Variants in ZNF12 observed in about 807,000 individuals in gnomAD.
The protein encoded by ZNF12 is zinc finger protein 12, also known as gonadotropin inducible transcription repressor 3.
A neutral mutation model predicts 66.6 loss-of-function variants in ZNF12; 34 were observed. The observed-to-expected ratio is 0.51, with a 90% confidence interval of 0.39 to 0.68. The LOEUF (loss-of-function observed/expected upper bound fraction) is 0.68. Among genes scored for constraint, ZNF12 ranks in the 30% least tolerant of loss-of-function variants. The pLI, the probability that ZNF12 is intolerant of heterozygous loss-of-function variation, is 0.00. For missense variants in ZNF12, 697 were observed against 826.9 expected (o/e 0.84, Z 1.93); for synonymous variants, 320 against 278.9 (o/e 1.15, Z -1.47).
intron 2 of ZNF12, among the ~76,000 whole-genome samples, chr7:6,704,955 C>T (rs576122177): frequency 5.9e-5 from 9 of 152,218 alleles, no homozygotes; most frequent in African/African-American, 1.7e-4. Flanking sequence ...GACGCTTGTA[C>T]TCTGACTTCA....
Position 6,691,568 on chromosome 7 carries a change from A to G in ZNF12, c.1374T>C (p.Thr458=), listed in dbSNP as rs769120394. Residue 458 remains threonine (T), a synonymous_variant, in exon 5 of 5, where the codon ACT becomes ACC. Coordinates refer to ENST00000405858, the MANE Select transcript of ZNF12 (RefSeq NM_016265.4). ...ATTCATAGGGTTTCTCTCCTGAATG[A>G]GTTCTATAATGTACAGTGAGATATG... is the stretch of plus-strand genomic sequence containing the variant. The part of the protein sequence containing the change: ...RLSYLTVHYR[T]HSGEKPYECN... 1 of 1,614,026 alleles carries G rather than the reference A, an allele frequency of 6.2e-7. No homozygotes were observed. The highest frequency in any genetic ancestry group is 8.5e-7 in the Non-Finnish European group (1 of 1,179,960).
intron 4 of ZNF12, among the ~76,000 whole-genome samples, chr7:6,693,164 T>G (rs1780100933): frequency 1.3e-5 from 2 of 152,200 alleles, no homozygotes; most frequent in Admixed American, 1.3e-4. Flanking sequence ...CCACATCACT[T>G]CATACCAAGT....
intron 2 of ZNF12, among the ~76,000 whole-genome samples, 174 bp downstream of exon 2, chr7:6,704,985 G>A (rs1039466713): frequency 4.6e-5 from 7 of 152,158 alleles, no homozygotes; most frequent in African/African-American, 1.4e-4. Flanking sequence ...TAAGGATCAC[G>A]CTATCTGCGC....
At position 6,697,856 on chromosome 7, in the gene ZNF12, C is replaced by T. The variant is rs747094726; in HGVS notation, c.16-45G>A. ...GGAATTGGGTGACGTGAAATAGGCA[C>T]ATAGGTACAAGATCTTAGCATGCTC... On this transcript the variant is annotated intron_variant, in intron 2 of 4. Coordinates refer to ENST00000405858, the MANE Select transcript of ZNF12 (RefSeq NM_016265.4). The surrounding 1 kb of genome is among the most constrained non-coding windows in gnomAD (Gnocchi z 6.1). 21 of 1,612,416 alleles carry T rather than the reference C, an allele frequency of 1.3e-5. No individual in the cohort carries two copies. Among genetic ancestry groups the T allele is most frequent in the Non-Finnish European group, 1.7e-5 (20 of 1,178,944 alleles).
At chr7:6,699,447 G>T (rs1439302259) in intron 2 of ZNF12, among the ~76,000 whole-genome samples, 1 of 152,200 alleles carries the variant, frequency 6.6e-6, no homozygotes, top group Non-Finnish European at 1.5e-5. Context: ...TCCAGCTGCT[G>T]ATGGGACACA....
chr7:6,706,210 G>T (rs1186672572), intron 1 of ZNF12, among the ~76,000 whole-genome samples: 1 of 152,204 alleles, frequency 6.6e-6, no homozygotes, highest in Non-Finnish European at 1.5e-5. Context: ...AGGAAGGGCT[G>T]CTGGGGTGAG....
Position 6,691,605 on chromosome 7 carries a change from A to C in ZNF12, c.1337T>G (p.Phe446Cys). Residue 446 changes from phenylalanine to cysteine, a missense_variant, in exon 5 of 5, where the codon TTC becomes TGC. Phe to Cys is a radical substitution (Grantham distance 205). Around this residue, in one of 3 missense-constraint regions of ZNF12, gnomAD observed 401 missense variants for 519.0 expected, o/e 0.77. Transcript: ENST00000405858. ...PYECNECGKF[F>C]SRLSYLTVHY... The stretch of plus-strand genomic sequence containing the variant: ...TACAGTGAGATATGACAACCGAGAG[A>C]AGAATTTTCCACACTCATTACATTC... The C allele has an allele frequency of 6.2e-7, 1 of 1,613,992 alleles. No individual in the cohort carries two copies. Among genetic ancestry groups the C allele is most frequent in the Non-Finnish European group, 8.5e-7 (1 of 1,179,934 alleles).
rs1345911476 is a variant in ZNF12, at chr7:6,691,256, T to C, written c.1686A>G (p.Ser562=). The stretch of plus-strand genomic sequence containing the variant: ...GAATTCTATGATGTATAGTGAGGTA[T>C]GACATCTGAGAGAAGAATTTTCCAC... ...YICGKFFSQM[S]YLTIHHRIHS... is the part of the protein sequence containing the mutation. Residue 562 remains serine, a synonymous_variant, in exon 5 of 5, where the codon TCA becomes TCG. Coordinates refer to ENST00000405858, the MANE Select transcript of ZNF12 (RefSeq NM_016265.4). 1.9e-6 allele frequency: 3 copies of C among 1,614,004 alleles called. No homozygotes were observed. Among genetic ancestry groups the C allele is most frequent in the Non-Finnish European group, 2.5e-6 (3 of 1,180,008 alleles).
intron 4 of ZNF12, among the ~76,000 whole-genome samples, chr7:6,694,721 C>A (rs1780128525): frequency 6.6e-6 from 1 of 151,928 alleles, no homozygotes; most frequent in Non-Finnish European, 1.5e-5. Context: ...TGACTTCCTG[C>A]CTTCATCTTC....
At position 6,688,531 on chromosome 7, in the gene ZNF12, A is replaced by T. The variant is rs771978570; in HGVS notation, c.*2317T>A. On this transcript the variant is annotated 3_prime_UTR_variant, in exon 5 of 5. Transcript: ENST00000405858. The surrounding 1 kb of genome is among the most constrained non-coding windows in gnomAD (Gnocchi z 4.3). ...ACCTCCATAGGTATCATTTCCACAA[A>T]TATGCTATGAATATAGAGTTCCTAC... is the stretch of plus-strand genomic sequence containing the variant. 1.3e-5 allele frequency: 2 copies of T among 152,242 alleles called. No homozygotes were observed. The highest frequency in any genetic ancestry group is 4.8e-5 in the African/African-American group (2 of 41,462). 9.4% of individuals were successfully genotyped at this position (152,242 alleles called of 1,614,324 possible). A position where few individuals can be genotyped will look rare whatever the true frequency, so the allele number is the denominator to read the frequency against.
chr7:6,692,897 A>C lies in ZNF12; in HGVS notation c.239-194T>G, dbSNP rs1409489656. On this transcript the variant is annotated intron_variant, in intron 4 of 4. Coordinates refer to ENST00000405858, the MANE Select transcript of ZNF12 (RefSeq NM_016265.4). The surrounding 1 kb of genome is among the most constrained non-coding windows in gnomAD (Gnocchi z 5.1). ...ATTACACACACACAAACACACACACACACACACATCCCCCTCTAGGAATGG... is the reference window on the plus strand; with the variant it reads ...ATTACACACACACAAACACACACACCCACACACATCCCCCTCTAGGAATGG... 6.6e-6 allele frequency among the ~76,000 whole-genome samples: 1 copy of C among 152,058 alleles called. No individual in the cohort carries two copies. Among genetic ancestry groups the C allele is most frequent in the East Asian group, 1.9e-4 (1 of 5,186 alleles).
rs1780365998 is a variant in ZNF12, at chr7:6,706,757, G to A, written c.-376C>T. On this transcript the variant is annotated 5_prime_UTR_variant, in exon 1 of 5. Transcript: ENST00000405858. The stretch of plus-strand genomic sequence containing the variant: ...GGCCCCTTGGGCCCCAGCGCCGTCG[G>A]CTCCGGGGGTCGTGCTCGGGGATCC... The A allele has an allele frequency of 4.3e-6, 1 of 232,640 alleles. No individual in the cohort carries two copies. Among genetic ancestry groups the A allele is most frequent in the Non-Finnish European group, 8.5e-6 (1 of 117,756 alleles). The allele number at this position is 232,640 out of a possible 1,614,324, so 14.4% of individuals were successfully genotyped here.
At chr7:6,704,841 T>C (rs1416164703) in intron 2 of ZNF12, among the ~76,000 whole-genome samples, 1 of 147,388 alleles carries the variant, frequency 6.8e-6, no homozygotes, top group Non-Finnish European at 1.5e-5. Context: ...CTCAGAGGAA[T>C]CTTTAAAATT....
In ZNF12 at chr7:6,706,822, G is replaced by A. The variant is rs1399550149; in HGVS notation, c.-441C>T. The stretch of plus-strand genomic sequence containing the variant: ...GCCTGGCCCGCACAGCCCCGCGCCC[G>A]CTTGGGTGCCGGCCCGGCTCTTCGG... On this transcript the variant is annotated 5_prime_UTR_variant, in exon 1 of 5. Transcript: ENST00000405858. 9.3e-6 allele frequency: 3 copies of A among 323,072 alleles called. No individual in the cohort carries two copies. The highest frequency in any genetic ancestry group is 1.8e-5 in the Non-Finnish European group (3 of 169,598). 20.0% of individuals were successfully genotyped at this position (323,072 alleles called of 1,614,324 possible).
Position 6,690,772 on chromosome 7 carries a change from A to T in ZNF12, c.*76T>A. 7.2e-7 allele frequency: 1 copy of T among 1,397,346 alleles called. No individual in the cohort carries two copies. The highest frequency in any genetic ancestry group is 9.6e-7 in the Non-Finnish European group (1 of 1,045,074). The allele number at this position is 1,397,346 out of a possible 1,614,324, so 86.6% of individuals were successfully genotyped here. ...AACCTGTGTGAACTCTCTGATGTAC[A>T]AGGTGTTTGACTTCAGGCAGGAGTT... On this transcript the variant is annotated 3_prime_UTR_variant, in exon 5 of 5. Coordinates refer to ENST00000405858, the MANE Select transcript of ZNF12 (RefSeq NM_016265.4).
Position 6,697,175 on chromosome 7 carries a change from A to T in ZNF12, c.238+164T>A, listed in dbSNP as rs1308481483. Among the ~76,000 whole-genome samples the T allele has an allele frequency of 6.6e-6, 1 of 152,160 alleles. No homozygotes were observed. The highest frequency in any genetic ancestry group is 1.5e-5 in the Non-Finnish European group (1 of 68,040). ...GCAAGCACAGAAAAGCTCCATAAAC[A>T]TAAGTTCTTACGGGGAAGGAAGAAG... On this transcript the variant is annotated intron_variant, in intron 4 of 4. Coordinates refer to ENST00000405858, the MANE Select transcript of ZNF12 (RefSeq NM_016265.4). The surrounding 1 kb of genome is among the most constrained non-coding windows in gnomAD (Gnocchi z 6.1).
Position 6,705,205 on chromosome 7 carries a change from T to C in ZNF12, c.-32A>G. 1.2e-6 allele frequency: 2 copies of C among 1,613,480 alleles called. No individual in the cohort carries two copies. The highest frequency in any genetic ancestry group is 1.1e-5 in the South Asian group (1 of 90,994). ...CTGCTCTTGGAAAAATCTGGAGGAC[T>C]GTGAAAGCGGAGGCAGATCTGGGGA... On this transcript the variant is annotated 5_prime_UTR_variant, in exon 2 of 5. Transcript: ENST00000405858. The surrounding 1 kb of genome is among the most constrained non-coding windows in gnomAD (Gnocchi z 4.0).
chr7:6,698,093 C>T lies in ZNF12; in HGVS notation c.16-282G>A, dbSNP rs1780180588. 3 of 618,284 alleles carry T rather than the reference C, an allele frequency of 4.9e-6. No individual in the cohort carries two copies. Among genetic ancestry groups the T allele is most frequent in the Non-Finnish European group, 9.1e-6 (3 of 327,940 alleles). 38.3% of individuals were successfully genotyped at this position (618,284 alleles called of 1,614,324 possible). A position where few individuals can be genotyped will look rare whatever the true frequency, so the allele number is the denominator to read the frequency against. On this transcript the variant is annotated intron_variant, in intron 2 of 4. Transcript: ENST00000405858. This position sits in a 1 kb window ranked among gnomAD's most constrained non-coding sequence, Gnocchi z 4.4. ...TCTTAACACCAGCAGGGACGAATCT[C>T]ACCCCTGAGGAGCACAGGCCTGGGG...
chr7:6,703,409 G>C (rs1460555963), intron 2 of ZNF12, among the ~76,000 whole-genome samples: 2 of 152,160 alleles, frequency 1.3e-5, no homozygotes, highest in East Asian at 1.9e-4. Flanking sequence ...GAGGGGATAG[G>C]GGACAGGATA....
Sources: allele counts gnomAD v4.1 joint callset (sites outside exome capture counted in the v4.1 genomes callset), GRCh38; gene constraint gnomAD v4.1.1; regional missense constraint gnomAD v4.1.1; non-coding constraint Gnocchi (gnomAD v3.1); transcripts MANE v1.5; gene names NCBI Gene and HGNC (gene_info 2026-07-23, HGNC 2026-07-21).